The following ATXN8OS variants were observed in gnomAD, a reference collection of about 807,000 sequenced individuals.
The protein encoded by ATXN8OS is ATXN8 opposite strand (non-protein coding).
chr13:70,125,032 G>A (rs1403838459), intron 2 of ATXN8OS, among the ~76,000 whole-genome samples: 8 of 150,958 alleles, frequency 5.3e-5, no homozygotes, highest in African/African-American at 1.9e-4. Context: ...TTTAAAAACC[G>A]CATATATTTT....
chr13:70,107,595 TC>T (rs749011008), upstream of ATXN8OS: 13 of 1,596,476 alleles, frequency 8.1e-6, no homozygotes, highest in South Asian at 5.7e-5. Flanking sequence ...GCAGGCAGCC[TC>T]CCCCCGCCGG....
chr13:70,169,684 C>G (rs867835628), intron 4 of ATXN8OS, among the ~76,000 whole-genome samples: 1 of 152,080 alleles, frequency 6.6e-6, no homozygotes, highest in Non-Finnish European at 1.5e-5. Flanking sequence ...CCATCCCTCT[C>G]CTAATAAAGA....
At chr13:70,160,263 CTCATTGTTACCCT>C (rs1888991551) in intron 4 of ATXN8OS, among the ~76,000 whole-genome samples, 1 of 151,482 alleles carries the variant, frequency 6.6e-6, no homozygotes. Context: ...GTATTTGCAG[CTCATTGTTACCCT>C]AATGTTTCAT....
chr13:70,155,814 GAA>G (rs886863116), intron 4 of ATXN8OS, among the ~76,000 whole-genome samples: 1 of 143,444 alleles, frequency 7.0e-6, no homozygotes, highest in Non-Finnish European at 1.5e-5. Flanking sequence ...AAAATGAAAA[GAA>G]AAAAAGGATT....
chr13:70,162,082 A>G (rs2137505359), intron 4 of ATXN8OS, among the ~76,000 whole-genome samples: 1 of 152,140 alleles, frequency 6.6e-6, no homozygotes, highest in East Asian at 1.9e-4. Context: ...TAAGAGAATA[A>G]AGGAGAAAAA....
chr13:70,148,807 T>A (rs1888824429), intron 4 of ATXN8OS, among the ~76,000 whole-genome samples: 1 of 152,120 alleles, frequency 6.6e-6, no homozygotes, highest in Non-Finnish European at 1.5e-5. Flanking sequence ...TGAAAATATG[T>A]GATCTTTAAG....
At chr13:70,159,181 CT>C (rs1888971991) in intron 4 of ATXN8OS, among the ~76,000 whole-genome samples, 1 of 24,768 alleles carries the variant, frequency 4.0e-5, no homozygotes, top group Non-Finnish European at 1.5e-4. Flanking sequence ...CACTTCCATT[CT>C]CTCTCTCTCT....
At chr13:70,111,381 G>T (rs1472375998) in intron 1 of ATXN8OS, among the ~76,000 whole-genome samples, 2 of 152,166 alleles carry the variant, frequency 1.3e-5, no homozygotes, top group African/African-American at 4.8e-5. Flanking sequence ...GGCTGCATCT[G>T]GTGAAGGTCT....
intron 2 of ATXN8OS, among the ~76,000 whole-genome samples, chr13:70,126,466 G>GT (rs1191860390): frequency 1.3e-5 from 2 of 151,982 alleles, no homozygotes; most frequent in Non-Finnish European, 1.5e-5. Context: ...AGGCTAAGTT[G>GT]TGCTCTCTCT....
chr13:70,154,420 G>T (rs895555160), intron 4 of ATXN8OS, among the ~76,000 whole-genome samples: 1 of 152,208 alleles, frequency 6.6e-6, no homozygotes, highest in South Asian at 2.1e-4. Flanking sequence ...ACCTAATTCT[G>T]CATCTGCTAT....
intron 4 of ATXN8OS, among the ~76,000 whole-genome samples, chr13:70,167,523 G>T (rs535910540): frequency 6.6e-6 from 1 of 151,820 alleles, no homozygotes; most frequent in Non-Finnish European, 1.5e-5. Flanking sequence ...TGTGGGGGGA[G>T]GGAGGAAGGA....
At chr13:70,143,757 C>T (rs770039255) in intron 3 of ATXN8OS, among the ~76,000 whole-genome samples, 6 of 151,968 alleles carry the variant, frequency 3.9e-5, no homozygotes, top group Non-Finnish European at 8.8e-5. Context: ...TGGCAGAATT[C>T]GTGTTTAAGT....
At chr13:70,125,750 G>A (rs1182524968) in intron 2 of ATXN8OS, among the ~76,000 whole-genome samples, 1 of 152,122 alleles carries the variant, frequency 6.6e-6, no homozygotes, top group East Asian at 1.9e-4. Flanking sequence ...CTATCAATCA[G>A]TTGCAGATAT....
chr13:70,113,725 A>G (rs1219453168), intron 1 of ATXN8OS, among the ~76,000 whole-genome samples: 3 of 152,072 alleles, frequency 2.0e-5, no homozygotes, highest in Non-Finnish European at 2.9e-5. Flanking sequence ...ACTTTAAAAT[A>G]TTTTCTCAAA....
upstream of ATXN8OS, chr13:70,107,756 A>G (rs1888110020): frequency 7.4e-7 from 1 of 1,344,050 alleles, no homozygotes; most frequent in South Asian, 1.5e-5. Flanking sequence ...GCTGGTCAGC[A>G]GGTGGGGGAG....
At chr13:70,147,753 G>GGCC (rs1888806863) in intron 4 of ATXN8OS, among the ~76,000 whole-genome samples, 2 of 152,234 alleles carry the variant, frequency 1.3e-5, no homozygotes, top group South Asian at 4.1e-4. Flanking sequence ...TAAGGACCAT[G>GGCC]GCCTGTGACA....
Position 70,149,006 on chromosome 13 carries a change from A to T in ATXN8OS, n.573+1578A>T, listed in dbSNP as rs541261111. ...CAACTAATAAAAGAATGAAAAGAAC[A>T]TATTTTTCTTAGATGCTTTTCTTCA... On this transcript the variant is annotated intron_variant and non_coding_transcript_variant, in intron 4 of 4. Coordinates refer to ENST00000678624, the Ensembl canonical transcript of ATXN8OS. Among the ~76,000 whole-genome samples the T allele has an allele frequency of 2.0e-5, 3 of 152,286 alleles. No homozygotes were observed. The East Asian group carries it at 5.8e-4, about 29-fold the overall frequency.
At chr13:70,167,599 A>G (rs1889091916) in intron 4 of ATXN8OS, among the ~76,000 whole-genome samples, 1 of 151,982 alleles carries the variant, frequency 6.6e-6, no homozygotes, top group African/African-American at 2.4e-5. Context: ...AACAATGCAC[A>G]TGCATACGTA....
At chr13:70,148,524 G>C (rs1451263756) in intron 4 of ATXN8OS, among the ~76,000 whole-genome samples, 2 of 152,034 alleles carry the variant, frequency 1.3e-5, no homozygotes, top group African/African-American at 2.4e-5. Flanking sequence ...GGTTTCTTAA[G>C]AATCTCCTAG....
Sources: gnomAD v4.1 joint callset for allele counts (sites outside exome capture counted in the v4.1 genomes callset) on GRCh38, gnomAD v4.1.1 for gene constraint, MANE v1.5 for transcripts, NCBI Gene and HGNC (gene_info 2026-07-23, HGNC 2026-07-21) for gene names.